Variants in MEF2C observed in about 807,000 individuals in gnomAD.
MEF2C encodes myocyte enhancer factor 2C.
A neutral mutation model predicts 50.5 loss-of-function variants in MEF2C; 6 were observed. The ratio of observed to expected loss-of-function variants is 0.12; its 90% confidence interval spans 0.07 to 0.23. The LOEUF (loss-of-function observed/expected upper bound fraction) is 0.23. Among genes scored for constraint, MEF2C ranks in the 10% least tolerant of loss-of-function variants. The pLI is 1.00. For synonymous variants in MEF2C, 183 were observed against 228.0 expected, an observed-to-expected ratio of 0.80 and a Z score of 1.78; for missense variants, 276 against 605.0, an observed-to-expected ratio of 0.46 and a Z score of 5.70.
rs182646325 is a variant in MEF2C, at chr5:88,759,418, G to A, written c.402+1767C>T. Reference sequence around the variant, plus strand: ...AATTGCTTGAACCCGGGAAGCAGAGGTTGCGGTGAGTGGAGATCGTGCCAT... The same window carrying A: ...AATTGCTTGAACCCGGGAAGCAGAGATTGCGGTGAGTGGAGATCGTGCCAT... On this transcript the variant is annotated intron_variant, in intron 4 of 10. Transcript: ENST00000504921. Among the ~76,000 whole-genome samples the A allele has an allele frequency of 1.7e-3, 262 of 152,270 alleles. 1 individual carries two copies. The highest frequency in any genetic ancestry group is 2.5e-3 in the Non-Finnish European group (168 of 68,030).
chr5:88,799,393 A>G (rs1323159626), intron 3 of MEF2C, among the ~76,000 whole-genome samples: 1 of 152,228 alleles, frequency 6.6e-6, no homozygotes, highest in Non-Finnish European at 1.5e-5. Flanking sequence ...CTTTACATCT[A>G]TATTTTTATA....
chr5:88,760,942 A>C, intron 4 of MEF2C: 1 of 1,567,440 alleles, frequency 6.4e-7, no homozygotes, highest in South Asian at 1.2e-5. Flanking sequence ...AAGGTATGTT[A>C]CTGCAGCAGT....
chr5:88,846,466 G>A (rs868159506), intron 1 of MEF2C, among the ~76,000 whole-genome samples: 3 of 152,180 alleles, frequency 2.0e-5, no homozygotes, highest in Admixed American at 2.0e-4. Context: ...TGTCATTTCA[G>A]AGAGCAAAAG....
chr5:88,799,764 A>G (rs1226997555), intron 3 of MEF2C, among the ~76,000 whole-genome samples: 1 of 152,110 alleles, frequency 6.6e-6, no homozygotes, highest in African/African-American at 2.4e-5. Context: ...AGGTGACAGC[A>G]AATAAAATTT....
chr5:88,807,200 T>C (rs13361413), intron 2 of MEF2C, among the ~76,000 whole-genome samples: 8,411 of 152,260 alleles, frequency 0.055, 755 homozygotes, highest in African/African-American at 0.19. Flanking sequence ...TTGCTAGTCA[T>C]GCGAAATTCA....
chr5:88,871,287 G>A (rs1829434069), intron 1 of MEF2C, among the ~76,000 whole-genome samples: 1 of 151,992 alleles, frequency 6.6e-6, no homozygotes, highest in South Asian at 2.1e-4. Context: ...GGGGGTTGCA[G>A]ATGGGAATAA....
chr5:88,847,792 T>C (rs550381619), intron 1 of MEF2C, among the ~76,000 whole-genome samples: 1 of 152,266 alleles, frequency 6.6e-6, no homozygotes, highest in African/African-American at 2.4e-5. Flanking sequence ...AAAATTAGGA[T>C]ACAACATCAG....
intron 3 of MEF2C, among the ~76,000 whole-genome samples, chr5:88,779,126 A>G (rs745800591): frequency 2.0e-5 from 3 of 152,256 alleles, no homozygotes; most frequent in Non-Finnish European, 4.4e-5. Flanking sequence ...ACATGCGCTT[A>G]AAGTCCATTT....
intron 2 of MEF2C, 93 bp from the exon 3 acceptor site, chr5:88,804,894 G>A: frequency 9.9e-7 from 1 of 1,009,380 alleles, no homozygotes. Context: ...ACAAAACAAT[G>A]GTGTGTAGTT....
chr5:88,737,446 T>A, intron 6 of MEF2C: 1 of 985,420 alleles, frequency 1.0e-6, no homozygotes, highest in Non-Finnish European at 1.2e-6. Context: ...AGTCAGACAT[T>A]TTCCCTAATG....
chr5:88,867,834 G>A (rs1422096834), intron 1 of MEF2C, among the ~76,000 whole-genome samples: 2 of 152,160 alleles, frequency 1.3e-5, no homozygotes, highest in Admixed American at 6.5e-5. Flanking sequence ...GATGCAGATG[G>A]AAAAAGGATA....
chr5:88,784,444 A>G (rs1387721039), intron 3 of MEF2C, among the ~76,000 whole-genome samples: 2 of 152,248 alleles, frequency 1.3e-5, no homozygotes, highest in Non-Finnish European at 2.9e-5. Flanking sequence ...TTAAGATAAA[A>G]TGCTACTAAA....
chr5:88,799,962 C>T (rs1797702602), intron 3 of MEF2C, among the ~76,000 whole-genome samples: 1 of 150,986 alleles, frequency 6.6e-6, no homozygotes, highest in South Asian at 2.1e-4. Flanking sequence ...AACCAATAAT[C>T]CTCTACTGAG....
In MEF2C at chr5:88,717,332, T is replaced by G. The variant is rs1047095994; in HGVS notation, c.*5272A>C. On this transcript the variant is annotated 3_prime_UTR_variant, in exon 11 of 11. Coordinates refer to ENST00000504921, the MANE Select transcript of MEF2C (RefSeq NM_002397.5). ...GGTGGATGAGGAAGTGTCCATGCTC[T>G]GAGCCTCTGGTCTGCTCTGCCCCAG... The G allele has an allele frequency of 6.6e-6, 1 of 152,266 alleles. No individual in the cohort carries two copies. The highest frequency in any genetic ancestry group is 2.4e-5 in the African/African-American group (1 of 41,454). The allele number at this position is 152,266 out of a possible 1,614,324, so 9.4% of individuals were successfully genotyped here.
intron 1 of MEF2C, among the ~76,000 whole-genome samples, chr5:88,899,769 A>G (rs1226398544): frequency 6.6e-6 from 1 of 152,154 alleles, no homozygotes; most frequent in African/African-American, 2.4e-5. Flanking sequence ...GCATACTGTT[A>G]TTACATATTG....
intron 1 of MEF2C, among the ~76,000 whole-genome samples, chr5:88,852,707 C>T (rs1821836807): frequency 6.6e-6 from 1 of 151,566 alleles, no homozygotes; most frequent in Non-Finnish European, 1.5e-5. Flanking sequence ...CCCGTTTCAC[C>T]GTTTTTGTAT....
rs1767781571 is a variant in MEF2C, at chr5:88,743,391, G to C, written c.637+5679C>G. 4 of 985,220 alleles carry C rather than the reference G, an allele frequency of 4.1e-6. No homozygotes were observed. In the East Asian group the frequency reaches 4.5e-4, roughly 112 times the overall value. 61.0% of individuals were successfully genotyped at this position (985,220 alleles called of 1,614,324 possible). A position where few individuals can be genotyped will look rare whatever the true frequency, so the allele number is the denominator to read the frequency against. ...TAAGAAAGTCAGCCAAGAAATTTTT[G>C]ATAAGTATTCTTGAAAACAAATACT... On this transcript the variant is annotated intron_variant, in intron 6 of 10. Coordinates refer to ENST00000504921, the MANE Select transcript of MEF2C (RefSeq NM_002397.5).
At chr5:88,762,256 TAA>T (rs1326882117) in intron 3 of MEF2C, among the ~76,000 whole-genome samples, 1 of 152,160 alleles carries the variant, frequency 6.6e-6, no homozygotes, top group Non-Finnish European at 1.5e-5. Context: ...AGAAAAAGTA[TAA>T]GTTAGGAGTC....
chr5:88,737,422 G>T, intron 6 of MEF2C: 15 of 985,296 alleles, frequency 1.5e-5, no homozygotes, highest in Non-Finnish European at 1.8e-5. Context: ...AACTGCAAGT[G>T]GTAGAATTAA....
Sources: gnomAD v4.1 joint callset for allele counts (sites outside exome capture counted in the v4.1 genomes callset) on GRCh38, gnomAD v4.1.1 for gene constraint, MANE v1.5 for transcripts, NCBI Gene and HGNC (gene_info 2026-07-23, HGNC 2026-07-21) for gene names.